Variants in TTLL8 observed in about 807,000 individuals in gnomAD.
TTLL8 encodes the protein tubulin tyrosine ligase like 8.
In TTLL8, 65 loss-of-function variants were observed where a neutral mutation model predicts 77.8. The ratio of observed to expected loss-of-function variants is 0.84; its 90% CI spans 0.68 to 1.03. The LOEUF is 1.03. TTLL8 is among the 50% of genes least tolerant of loss of function. TTLL8 has a pLI of 0.00. For missense variants in TTLL8, 910 were observed against 1,004.5 expected, an observed-to-expected ratio of 0.91 and a Z score of 1.27; for synonymous variants, 402 against 422.8, an observed-to-expected ratio of 0.95 and a Z score of 0.60.
In TTLL8 at chr22:50,021,449, A is replaced by C. The variant is rs1027599063; in HGVS notation, c.2204-4887T>G. ...ATGTGTACTCCTCCATCTGACGTGC[A>C]CTCCTCCATGTGACGACGTGCACTC... On this transcript the variant is annotated intron_variant, in intron 12 of 13. Transcript: ENST00000266182. Among the ~76,000 whole-genome samples, 17 of 121,686 alleles carry C rather than the reference A, an allele frequency of 1.4e-4. No individual in the cohort carries two copies. The Admixed American group carries it at 1.5e-3, about 11-fold the overall frequency. The allele number at this position is 121,686 out of a possible 152,430, so 79.8% of individuals were successfully genotyped here.
Position 50,049,529 on chromosome 22 carries a change from G to A in TTLL8, c.191-207C>T, listed in dbSNP as rs1223037742. Among the ~76,000 whole-genome samples the A allele has an allele frequency of 2.6e-5, 4 of 152,264 alleles. No homozygotes were observed. In the East Asian group the frequency reaches 5.8e-4, roughly 22 times the overall value. Reference sequence around the variant, plus strand: ...GGCAGCCCCCATACATCCAATGAGCGTCCACCGCACAGCACCTCCCCAGGG... The same window carrying A: ...GGCAGCCCCCATACATCCAATGAGCATCCACCGCACAGCACCTCCCCAGGG... On this transcript the variant is annotated intron_variant, in intron 2 of 13. Transcript: ENST00000266182.
chr22:50,056,588 G>T (rs1253218674), upstream of TTLL8, among the ~76,000 whole-genome samples: 1 of 152,180 alleles, frequency 6.6e-6, no homozygotes. This position sits in a 1 kb window ranked among gnomAD's most constrained non-coding sequence, Gnocchi z 4.1. Flanking sequence ...GGGCCTCCAC[G>T]ACCCGCCAGG....
In TTLL8 at chr22:50,041,251, A is replaced by G. The variant is rs149161124; in HGVS notation, c.857T>C (p.Leu286Ser). The G allele has an allele frequency of 0.011, 5,422 of 498,032 alleles. 46 individuals are homozygous for G. Among genetic ancestry groups the G allele is most frequent in the Non-Finnish European group, 0.014 (3,537 of 247,604 alleles). 30.9% of individuals were successfully genotyped at this position (498,032 alleles called of 1,614,324 possible). A position where few individuals can be genotyped will look rare whatever the true frequency, so the allele number is the denominator to read the frequency against. ...AACCTTCTGGATTTTGAAGATGCAC[A>G]AGACAATGCTACTCCCCAAAGGCAC... The change falls in exon 8 of 14, where the codon TTG (leucine) becomes TCG (serine). Residue 286 changes from leucine (L) to serine (S), a missense_variant. This residue lies in a region of TTLL8 where 776 missense variants were observed against 926.1 expected (regional missense o/e 0.84). Coordinates refer to ENST00000266182, the Ensembl canonical transcript of TTLL8. The surrounding 1 kb of genome is among the most constrained non-coding windows in gnomAD (Gnocchi z 4.3).
In TTLL8 at chr22:50,050,040, G is replaced by A. The variant is rs915860524; in HGVS notation, c.190+69C>T. 46 of 1,323,896 alleles carry A rather than the reference G, an allele frequency of 3.5e-5. No individual in the cohort carries two copies. In the African/African-American group the frequency reaches 5.1e-4, roughly 15 times the overall value. 82.0% of individuals were successfully genotyped at this position (1,323,896 alleles called of 1,614,324 possible). ...AGGGGCAGGCACCACACTCAGGCCG[G>A]CGCCGACTCCTCCTGCCCGTGACAG... is the stretch of plus-strand genomic sequence containing the variant. On this transcript the variant is annotated intron_variant, in intron 2 of 13. Coordinates refer to ENST00000266182, the Ensembl canonical transcript of TTLL8.
At chr22:50,022,705 T>C (rs905183367) in intron 12 of TTLL8, among the ~76,000 whole-genome samples, 32 of 152,370 alleles carry the variant, frequency 2.1e-4, no homozygotes, top group African/African-American at 6.7e-4. Context: ...AAGAAACTCC[T>C]GCCCACTCTT....
At chr22:50,033,247 T>A (rs61999350) in exon 10 of TTLL8, 755 of 1,359,078 alleles carry the variant, frequency 5.6e-4, no homozygotes, top group Non-Finnish European at 7.0e-4. Context: ...GAACCGCAAG[T>A]AACTCTCCTT....
intron 1 of TTLL8, among the ~76,000 whole-genome samples, chr22:50,052,581 G>A (rs2061450113): frequency 6.6e-6 from 1 of 152,202 alleles, no homozygotes; most frequent in African/African-American, 2.4e-5. Flanking sequence ...AAGGCAAAGA[G>A]ACCATCAAAC....
chr22:50,029,532 A>T (rs1057309484), intron 12 of TTLL8, among the ~76,000 whole-genome samples: 1 of 151,304 alleles, frequency 6.6e-6, no homozygotes, highest in Admixed American at 6.6e-5. Context: ...CGAGGTCAGG[A>T]GGTGGAGACC....
intron 8 of TTLL8, among the ~76,000 whole-genome samples, chr22:50,039,825 C>T (rs1173895915): frequency 1.3e-5 from 2 of 150,926 alleles, no homozygotes; most frequent in African/African-American, 4.9e-5. Context: ...CGTGGACAGA[C>T]CTCACAGACC....
At chr22:50,036,850 G>A (rs186489520) in intron 8 of TTLL8, among the ~76,000 whole-genome samples, 216 of 152,134 alleles carry the variant, frequency 1.4e-3, no homozygotes, top group Admixed American at 4.5e-3. Context: ...CCCCCGCCTC[G>A]GCCTCCTTAA....
rs765902437 is a variant in TTLL8 at position 50,031,730 on chromosome 22, C to T, written c.1663G>A (p.Asp555Asn). The T allele has an allele frequency of 4.5e-6, 6 of 1,345,696 alleles. No homozygotes were observed. In the South Asian group the frequency reaches 4.6e-5, roughly 10 times the overall value. The allele number at this position is 1,345,696 out of a possible 1,614,324, so 83.4% of individuals were successfully genotyped here. ...AAGTTGCCGATGTCACAGCTGCGGT[C>T]CACGGCCACCTTGATGGTGTCCTCC... Residue 555 changes from aspartate to asparagine, a missense_variant, in exon 11 of 14, where the codon GAC becomes AAC. By Grantham distance (23) the Asp-to-Asn change is conservative. Transcript: ENST00000266182.
At chr22:50,033,355 T>C in exon 10 of TTLL8, 1 of 1,365,574 alleles carries the variant, frequency 7.3e-7, no homozygotes, top group Non-Finnish European at 9.8e-7. Flanking sequence ...CTCGATGTAC[T>C]TCTGGACCAC....
rs369777765 is a variant in TTLL8, at chr22:50,034,333, G to A, written c.1039+12C>T. On this transcript the variant is annotated intron_variant, in intron 9 of 13. Transcript: ENST00000266182. The surrounding 1 kb of genome is among the most constrained non-coding windows in gnomAD (Gnocchi z 4.1). ...TTGGTGGCTATGAACGCGGTGCAGG[G>A]AGCATCCGCACCAGGGGACTCACCT... 525 of 1,362,694 alleles carry A rather than the reference G, an allele frequency of 3.9e-4. No homozygotes were observed. The highest frequency in any genetic ancestry group is 5.0e-4 in the Non-Finnish European group (513 of 1,020,544). The allele number at this position is 1,362,694 out of a possible 1,614,324, so 84.4% of individuals were successfully genotyped here.
At chr22:50,045,423 C>A (rs572988449) in intron 5 of TTLL8, 34 bp from the exon 8 acceptor site, 2 of 1,358,532 alleles carry the variant, frequency 1.5e-6, no homozygotes, top group Non-Finnish European at 9.8e-7. Flanking sequence ...CCTATCTGTC[C>A]GAGCCAGGAC....
At chr22:50,032,885 T>G (rs1288796968) in intron 10 of TTLL8, among the ~76,000 whole-genome samples, 1 of 152,202 alleles carries the variant, frequency 6.6e-6, no homozygotes, top group African/African-American at 2.4e-5. Flanking sequence ...CCGCCTCCCC[T>G]GCGCCAGGGC....
At chr22:50,018,790 A>G (rs564231980) in intron 12 of TTLL8, among the ~76,000 whole-genome samples, 2 of 152,208 alleles carry the variant, frequency 1.3e-5, no homozygotes, top group Non-Finnish European at 2.9e-5. Context: ...GCTGTCATGA[A>G]CCTGTGTGGA....
chr22:50,023,313 T>C (rs2061214952), intron 12 of TTLL8, among the ~76,000 whole-genome samples: 1 of 152,180 alleles, frequency 6.6e-6, no homozygotes, highest in South Asian at 2.1e-4. Flanking sequence ...AGCCTCAATA[T>C]TGTAGGATAT....
rs1415995877 is a variant in TTLL8, at chr22:50,030,651, C to T, written c.1982G>A (p.Gly661Asp). 4.7e-6 allele frequency: 6 copies of T among 1,281,788 alleles called. No individual in the cohort carries two copies. The Admixed American group carries it at 9.9e-5, about 21-fold the overall frequency. 79.4% of individuals were successfully genotyped at this position (1,281,788 alleles called of 1,614,324 possible). A position where few individuals can be genotyped will look rare whatever the true frequency, so the allele number is the denominator to read the frequency against. ...GGTGCGGGTGGGCTGTGCGGCTCCA[C>T]CGCTCTCGGCTGCCCCCCTTAAGGG... The change falls in exon 12 of 14, where the codon GGT becomes GAT. Residue 661 changes from glycine to aspartate, a missense_variant. By Grantham distance (94) the Gly-to-Asp change is moderately conservative. Around this residue, in one of 2 missense-constraint regions of TTLL8, gnomAD observed 776 missense variants for 926.1 expected, o/e 0.84. Coordinates refer to ENST00000266182, the Ensembl canonical transcript of TTLL8.
At chr22:50,031,805 T>C (rs2061296184) in exon 11 of TTLL8, 1 of 1,366,918 alleles carries the variant, frequency 7.3e-7, no homozygotes, top group South Asian at 1.1e-5. Context: ...GGGTGCATGG[T>C]GGGGCTGGAA....
Sources: allele counts gnomAD v4.1 joint callset (sites outside exome capture counted in the v4.1 genomes callset), GRCh38; gene constraint gnomAD v4.1.1; regional missense constraint gnomAD v4.1.1; non-coding constraint Gnocchi (gnomAD v3.1); transcripts MANE v1.5; gene names NCBI Gene and HGNC (gene_info 2026-07-23, HGNC 2026-07-21).